The following PTGES3 variants were observed in gnomAD, a reference collection of about 807,000 sequenced individuals.
PTGES3 encodes the protein prostaglandin E synthase 3, also known as Hsp90 co-chaperone.
A neutral mutation model predicts 29.9 loss-of-function variants in PTGES3; 5 were observed. That is an observed-to-expected ratio of 0.17 (90% confidence interval 0.09 to 0.35). The LOEUF (loss-of-function observed/expected upper bound fraction) is 0.35. Ranked by LOEUF, PTGES3 falls within the 10% of genes least tolerant of loss-of-function variation. PTGES3 has a pLI of 1.00. For missense variants in PTGES3, 128 were observed against 190.0 expected (o/e 0.67, Z 1.92); for synonymous variants, 49 against 57.8 (o/e 0.85, Z 0.69).
intron 1 of PTGES3, among the ~76,000 whole-genome samples, chr12:56,678,344 A>G (rs1386309524): frequency 6.6e-6 from 1 of 151,822 alleles, no homozygotes; most frequent in African/African-American, 2.4e-5. Context: ...AGCCTGGCTA[A>G]TTTTTGTTTT....
intron 3 of PTGES3, 125 bp downstream of exon 3, chr12:56,672,615 T>C: frequency 1.8e-6 from 2 of 1,134,830 alleles, no homozygotes; most frequent in Admixed American, 3.6e-5. Flanking sequence ...TTCTACAAAA[T>C]GTAAATATAC....
At chr12:56,667,227 CTCA>C (rs1322451963) in intron 5 of PTGES3, among the ~76,000 whole-genome samples, 2 of 152,176 alleles carry the variant, frequency 1.3e-5, no homozygotes, top group Non-Finnish European at 2.9e-5. Context: ...GCCTGGTATT[CTCA>C]TCATGGTTTT....
chr12:56,671,017 G>T (rs559529663), intron 4 of PTGES3, among the ~76,000 whole-genome samples: 1 of 152,132 alleles, frequency 6.6e-6, no homozygotes, highest in Non-Finnish European at 1.5e-5. Context: ...GGTGAGGTGG[G>T]TGGGAGGATC....
chr12:56,676,679 A>G (rs7980378), intron 1 of PTGES3, among the ~76,000 whole-genome samples: 122,166 of 152,004 alleles, frequency 0.8, 49,835 homozygotes, highest in African/African-American at 0.95. Flanking sequence ...GTTCATGCCT[A>G]TAATCCCAGC....
chr12:56,685,766 CTTACTTTT>C (rs1449733305), intron 1 of PTGES3, among the ~76,000 whole-genome samples: 2 of 115,618 alleles, frequency 1.7e-5, no homozygotes, highest in African/African-American at 6.3e-5. Context: ...TACTGCTACA[CTTACTTTT>C]TTTTTTTTTT....
At chr12:56,673,884 C>T (rs1035555414) in intron 1 of PTGES3, among the ~76,000 whole-genome samples, 3 of 151,552 alleles carry the variant, frequency 2.0e-5, no homozygotes, top group African/African-American at 7.3e-5. Flanking sequence ...ACAAGAATCA[C>T]TTGAACCCGG....
intron 1 of PTGES3, among the ~76,000 whole-genome samples, chr12:56,673,484 GGAAAA>G (rs1331282183): frequency 8.1e-5 from 3 of 36,822 alleles, no homozygotes; most frequent in East Asian, 1.8e-3. Context: ...ATACAAATAC[GGAAAA>G]AAAAAAAAAA....
chr12:56,686,241 C>T (rs1452172270), intron 1 of PTGES3, among the ~76,000 whole-genome samples: 1 of 152,174 alleles, frequency 6.6e-6, no homozygotes, highest in African/African-American at 2.4e-5. Context: ...TTAAAAGCTG[C>T]TTAATGCCTC....
At chr12:56,671,893 T>A in intron 3 of PTGES3, 46 bp from the exon 4 acceptor site, 1 of 1,165,086 alleles carries the variant, frequency 8.6e-7, no homozygotes, top group Non-Finnish European at 1.2e-6. Flanking sequence ...CCAGCATCAC[T>A]ACATGATAGA....
chr12:56,667,825 T>C (rs1951845218), intron 5 of PTGES3, among the ~76,000 whole-genome samples: 1 of 152,170 alleles, frequency 6.6e-6, no homozygotes, highest in Non-Finnish European at 1.5e-5. Flanking sequence ...TAGCTGGGCG[T>C]GGCCAGGTCT....
intron 3 of PTGES3, among the ~76,000 whole-genome samples, chr12:56,672,100 A>T (rs958099381): frequency 6.6e-6 from 1 of 152,162 alleles, no homozygotes; most frequent in Non-Finnish European, 1.5e-5. Context: ...TTAAAGTTTA[A>T]CCTGGTACCA....
intron 6 of PTGES3, chr12:56,665,482 A>G: frequency 1.1e-6 from 1 of 951,764 alleles, no homozygotes; most frequent in Non-Finnish European, 1.2e-6. Flanking sequence ...TTTAGTAGAG[A>G]TGGGGTTTCG....
rs12423584 is a variant in PTGES3 at position 56,673,190 on chromosome 12, A to G, written c.3-125T>C. 680 of 588,350 alleles carry G rather than the reference A, an allele frequency of 1.2e-3. 5 individuals carry two copies. The highest frequency in any genetic ancestry group is 0.011 in the Admixed American group (289 of 27,078). The allele number at this position is 588,350 out of a possible 1,614,324, so 36.4% of individuals were successfully genotyped here. ...TGTTACAATTTTAAACAAAAACTAC[A>G]TTTTTACCCTAACAGCTACATTCCA... On this transcript the variant is annotated intron_variant, in intron 1 of 7. Coordinates refer to ENST00000262033, the MANE Select transcript of PTGES3 (RefSeq NM_006601.7).
At chr12:56,678,178 A>C (rs1289049196) in intron 1 of PTGES3, among the ~76,000 whole-genome samples, 1 of 152,022 alleles carries the variant, frequency 6.6e-6, no homozygotes, top group Admixed American at 6.6e-5. Flanking sequence ...AGGTATTTTT[A>C]ATTTATTTAT....
At chr12:56,687,723 G>A (rs892209747) in intron 1 of PTGES3, 2 of 1,357,694 alleles carry the variant, frequency 1.5e-6, no homozygotes, top group East Asian at 6.3e-5. Flanking sequence ...GTTACCGAAA[G>A]AGGCGAGTAA....
chr12:56,667,804 C>G (rs1951844523), intron 5 of PTGES3, among the ~76,000 whole-genome samples: 1 of 152,170 alleles, frequency 6.6e-6, no homozygotes, highest in African/African-American at 2.4e-5. Flanking sequence ...CTGTATCATG[C>G]ACTTAAAAGA....
chr12:56,683,503 T>TAAA, intron 1 of PTGES3, among the ~76,000 whole-genome samples: 1 of 37,876 alleles, frequency 2.6e-5, no homozygotes, highest in African/African-American at 8.0e-5. Context: ...AAAAAAAAAT[T>TAAA]AGCCAGGCAT....
At chr12:56,675,004 C>CA (rs1177350725) in intron 1 of PTGES3, among the ~76,000 whole-genome samples, 1,056 of 32,284 alleles carry the variant, frequency 0.033, 129 homozygotes, top group East Asian at 0.062. Flanking sequence ...AACTCGGTCT[C>CA]AAAAAAAAAA....
chr12:56,677,535 G>T (rs1301486871), intron 1 of PTGES3, among the ~76,000 whole-genome samples: 1 of 152,120 alleles, frequency 6.6e-6, no homozygotes, highest in Non-Finnish European at 1.5e-5. Flanking sequence ...TTATTGGAAA[G>T]AAAAATATAT....
Sources: allele counts gnomAD v4.1 joint callset (sites outside exome capture counted in the v4.1 genomes callset), GRCh38; gene constraint gnomAD v4.1.1; transcripts MANE v1.5; gene names NCBI Gene and HGNC (gene_info 2026-07-23, HGNC 2026-07-21).